SPPL2A: variants seen among roughly 807,000 people sequenced by gnomAD.
The protein encoded by SPPL2A is signal peptide peptidase-like 2A.
A neutral mutation model predicts 63.8 loss-of-function variants in SPPL2A; 51 were observed. That is an observed-to-expected ratio of 0.80 (90% CI 0.64 to 1.01). The LOEUF is 1.01. SPPL2A is among the 50% of genes least tolerant of loss of function. The probability of loss-of-function intolerance (pLI) is 0.00; values close to 1 mark genes in which losing one functional copy is unlikely to be tolerated. For missense variants in SPPL2A, 553 were observed against 622.7 expected (o/e 0.89, Z 1.19); for synonymous variants, 188 against 205.8 (o/e 0.91, Z 0.74).
At chr15:50,728,406 C>T (rs887282893) in intron 10 of SPPL2A, among the ~76,000 whole-genome samples, 16 of 152,096 alleles carry the variant, frequency 1.1e-4, no homozygotes, top group East Asian at 5.8e-4. Flanking sequence ...TGCAGTGACA[C>T]GATCTCGGAT....
chr15:50,765,634 G>A lies in SPPL2A; in HGVS notation c.-101C>T, dbSNP rs908370612. On this transcript the variant is annotated 5_prime_UTR_variant, in exon 1 of 15. Transcript: ENST00000261854. ...CTGCGCTGCCTCCGTGGCCGGACCG[G>A]ACCGGACAGGCGCGGGCGGCCGGGC... 1 of 809,996 alleles carries A rather than the reference G, an allele frequency of 1.2e-6. No homozygotes were observed. The highest frequency in any genetic ancestry group is 1.7e-6 in the Non-Finnish European group (1 of 583,338). The allele number at this position is 809,996 out of a possible 1,614,324, so 50.2% of individuals were successfully genotyped here.
At chr15:50,717,557 T>G (rs185025199) in intron 14 of SPPL2A, among the ~76,000 whole-genome samples, 9 of 152,320 alleles carry the variant, frequency 5.9e-5, no homozygotes, top group Admixed American at 5.9e-4. Context: ...TGGTCTCCAG[T>G]GCTTAGTATA....
At position 50,749,624 on chromosome 15, in the gene SPPL2A, T is replaced by C. The variant is rs760925598; in HGVS notation, c.177+12A>G. On this transcript the variant is annotated intron_variant, in intron 2 of 14. Coordinates refer to ENST00000261854, the MANE Select transcript of SPPL2A (RefSeq NM_032802.4). ...TTTTTATGTTTATGAATAGTAACTG[T>C]GATTTACTTACTGCATTTTCTAGGG... 6.9e-7 allele frequency: 1 copy of C among 1,440,532 alleles called. No individual in the cohort carries two copies. The highest frequency in any genetic ancestry group is 9.8e-7 in the Non-Finnish European group (1 of 1,021,820). The allele number at this position is 1,440,532 out of a possible 1,614,324, so 89.2% of individuals were successfully genotyped here.
rs2062571156 is a variant in SPPL2A, at chr15:50,712,905, C to G, written c.1489-5031G>C. Among the ~76,000 whole-genome samples the G allele has an allele frequency of 6.6e-5, 10 of 152,086 alleles. No individual in the cohort carries two copies. The South Asian group carries it at 2.1e-3, about 32-fold the overall frequency. The stretch of plus-strand genomic sequence containing the variant: ...TTTCACCATGTTGGTCAGGCTGTCT[C>G]AAACTCCTGACCTCGTGATCTGCCC... On this transcript the variant is annotated intron_variant, in intron 14 of 14. Transcript: ENST00000261854.
At chr15:50,725,626 T>C (rs1393901157) in intron 11 of SPPL2A, 1 of 227,230 alleles carries the variant, frequency 4.4e-6, no homozygotes, top group Non-Finnish European at 8.7e-6. Flanking sequence ...AGACAGGGTT[T>C]CACCATGTTG....
chr15:50,721,054 T>C (rs965745050), intron 13 of SPPL2A, among the ~76,000 whole-genome samples: 18 of 151,816 alleles, frequency 1.2e-4, no homozygotes, highest in African/African-American at 3.6e-4. Flanking sequence ...ACTGCTTTTT[T>C]TGAGATGGAG....
rs1486213084 is a variant in SPPL2A at position 50,703,341 on chromosome 15, T to C, written c.*4459A>G. ...TCATATATACATATATATATATATA[T>C]ATATACATATATATATTTTTTTTTT... is the stretch of plus-strand genomic sequence containing the variant. On this transcript the variant is annotated 3_prime_UTR_variant, in exon 15 of 15. Coordinates refer to ENST00000261854, the MANE Select transcript of SPPL2A (RefSeq NM_032802.4). 1.5e-3 allele frequency: 137 copies of C among 88,610 alleles called. No homozygotes were observed. Among genetic ancestry groups the C allele is most frequent in the Admixed American group, 2.8e-3 (20 of 7,086 alleles). 5.5% of individuals were successfully genotyped at this position (88,610 alleles called of 1,614,324 possible).
chr15:50,738,827 GA>G (rs1012535565), intron 6 of SPPL2A, among the ~76,000 whole-genome samples: 1 of 151,826 alleles, frequency 6.6e-6, no homozygotes, highest in African/African-American at 2.4e-5. Context: ...TTTCTTCAAG[GA>G]AAAAAAGAAC....
chr15:50,752,130 C>T (rs1223686377), intron 1 of SPPL2A, among the ~76,000 whole-genome samples: 3 of 152,122 alleles, frequency 2.0e-5, no homozygotes, highest in Non-Finnish European at 4.4e-5. Context: ...TGCACCCAGC[C>T]ATATCCTTCT....
rs114186260 is a variant in SPPL2A at position 50,718,977 on chromosome 15, G to C, written c.1488+963C>G. Reference sequence around the variant, plus strand: ...GCCTCACAAAGTGCCTTCATGAAGGGGTCAGTGCCATGGCCCTGACCTCAA... The same window carrying C: ...GCCTCACAAAGTGCCTTCATGAAGGCGTCAGTGCCATGGCCCTGACCTCAA... On this transcript the variant is annotated intron_variant, in intron 14 of 14. Coordinates refer to ENST00000261854, the MANE Select transcript of SPPL2A (RefSeq NM_032802.4). Among the ~76,000 whole-genome samples the C allele has an allele frequency of 6.2e-3, 946 of 152,104 alleles. 13 individuals are homozygous for C. The highest frequency in any genetic ancestry group is 0.022 in the African/African-American group (908 of 41,500).
chr15:50,714,704 G>A (rs1596375854), intron 14 of SPPL2A, among the ~76,000 whole-genome samples: 2 of 151,198 alleles, frequency 1.3e-5, no homozygotes, highest in East Asian at 1.9e-4. Context: ...CACTTTGGGA[G>A]GCCAAGGCAG....
chr15:50,723,106 A>G (rs1407279345), intron 12 of SPPL2A, among the ~76,000 whole-genome samples: 1 of 152,218 alleles, frequency 6.6e-6, no homozygotes, highest in Non-Finnish European at 1.5e-5. Context: ...TAAAACCACA[A>G]TGAGATATCG....
At chr15:50,715,170 G>A (rs1424933786) in intron 14 of SPPL2A, among the ~76,000 whole-genome samples, 2 of 151,828 alleles carry the variant, frequency 1.3e-5, no homozygotes, top group African/African-American at 4.8e-5. Flanking sequence ...CTTTTTTCTT[G>A]TATTTTTAGT....
At chr15:50,753,985 C>T (rs1478997028) in intron 1 of SPPL2A, among the ~76,000 whole-genome samples, 1 of 152,170 alleles carries the variant, frequency 6.6e-6, no homozygotes, top group East Asian at 1.9e-4. Flanking sequence ...TTAGTAGAGA[C>T]AGGGTTTCAC....
chr15:50,744,870 T>TAGCC (rs1214518918), intron 5 of SPPL2A, among the ~76,000 whole-genome samples: 1 of 152,190 alleles, frequency 6.6e-6, no homozygotes, highest in Non-Finnish European at 1.5e-5. Flanking sequence ...GCAGTAGGGT[T>TAGCC]AGAAGTTTGT....
chr15:50,755,425 A>C (rs1042841564), intron 1 of SPPL2A, among the ~76,000 whole-genome samples: 10 of 152,064 alleles, frequency 6.6e-5, no homozygotes, highest in Admixed American at 5.9e-4. Flanking sequence ...GTTCTAGACC[A>C]GTCTGGGCAA....
chr15:50,747,718 G>A (rs1455712220), intron 4 of SPPL2A, 90 bp from the exon 5 acceptor site: 7 of 877,202 alleles, frequency 8.0e-6, no homozygotes, highest in South Asian at 1.6e-5. Flanking sequence ...CTCTGGAATG[G>A]ACATTATACA....
chr15:50,732,941 C>G (rs2062742266), intron 8 of SPPL2A, among the ~76,000 whole-genome samples: 1 of 151,930 alleles, frequency 6.6e-6, no homozygotes, highest in South Asian at 2.1e-4. Context: ...GGCATGCACA[C>G]CACCATGCCT....
chr15:50,722,149 G>T lies in SPPL2A; in HGVS notation c.1302C>A (p.Tyr434Ter). The T allele has an allele frequency of 6.3e-7, 1 of 1,594,074 alleles. No individual in the cohort carries two copies. Among genetic ancestry groups the T allele is most frequent in the Non-Finnish European group, 8.6e-7 (1 of 1,164,988 alleles). ...RRFDVQTGSS[Y>*]IYYVSSTVAY... is the part of the protein sequence containing the mutation. The stretch of plus-strand genomic sequence containing the variant: ...CAACTGTAGACGAAACATAGTATAT[G>T]TAAGAAGAACCAGTCTGAACATCAA... The change falls in exon 13 of 15, where the codon TAC (tyrosine) becomes TAA (stop). Residue 434 changes from tyrosine (Y) to a stop codon, truncating the protein, a stop_gained. Coordinates refer to ENST00000261854, the MANE Select transcript of SPPL2A (RefSeq NM_032802.4). LOFTEE classifies it high-confidence loss of function.
Sources: gnomAD v4.1 joint callset for allele counts (sites outside exome capture counted in the v4.1 genomes callset) on GRCh38, gnomAD v4.1.1 for gene constraint, MANE v1.5 for transcripts, NCBI Gene and HGNC (gene_info 2026-07-23, HGNC 2026-07-21) for gene names.